Variants in BTRC observed in about 807,000 individuals in gnomAD.
BTRC encodes beta-transducin repeat containing E3 ubiquitin protein ligase.
A neutral mutation model predicts 85.5 loss-of-function variants in BTRC; 42 were observed. That is an observed-to-expected ratio of 0.49 (90% CI 0.38 to 0.64). The LOEUF (loss-of-function observed/expected upper bound fraction) is 0.64, where lower values mean the gene tolerates loss of function less well. BTRC is among the 30% of genes least tolerant of loss of function. BTRC has a pLI of 0.00. For synonymous variants in BTRC, 255 were observed against 263.3 expected, an observed-to-expected ratio of 0.97 and a Z score of 0.30; for missense variants, 594 against 743.5, an observed-to-expected ratio of 0.80 and a Z score of 2.34.
intron 2 of BTRC, among the ~76,000 whole-genome samples, chr10:101,452,193 C>A (rs1248363110): frequency 1.3e-5 from 2 of 152,090 alleles, no homozygotes; most frequent in Admixed American, 1.3e-4. Context: ...TGTAGAAGAC[C>A]AGTGCACTAT....
At chr10:101,383,209 G>A (rs1051438589) in intron 1 of BTRC, among the ~76,000 whole-genome samples, 18 of 151,538 alleles carry the variant, frequency 1.2e-4, no homozygotes, top group African/African-American at 4.1e-4. Context: ...GACTACAGGC[G>A]TGCACCACCA....
At chr10:101,462,164 G>C in intron 3 of BTRC, 106 bp downstream of exon 3, 1 of 876,672 alleles carries the variant, frequency 1.1e-6, no homozygotes, top group South Asian at 1.7e-5. Flanking sequence ...CTTATATTAA[G>C]AGTACTCGGA....
Position 101,431,979 on chromosome 10 carries a change from C to T in BTRC, c.156+1527C>T, listed in dbSNP as rs894824484. ...TTGTCACTAGTGGTATGATCCTGAA[C>T]TTATTTCCTTATCTGTAAATGGATA... On this transcript the variant is annotated intron_variant, in intron 2 of 14. Coordinates refer to ENST00000370187, the MANE Select transcript of BTRC (RefSeq NM_033637.4). 3.3e-5 allele frequency among the ~76,000 whole-genome samples: 5 copies of T among 152,158 alleles called. No individual in the cohort carries two copies. In the East Asian group the frequency reaches 5.8e-4, roughly 18 times the overall value.
intron 13 of BTRC, among the ~76,000 whole-genome samples, chr10:101,544,116 A>G (rs1156692239): frequency 6.6e-6 from 1 of 152,122 alleles, no homozygotes; most frequent in Non-Finnish European, 1.5e-5. Context: ...TCACCATGTT[A>G]GCCAAGATGG....
At chr10:101,429,816 A>C (rs1364223447) in intron 1 of BTRC, among the ~76,000 whole-genome samples, 1 of 150,284 alleles carries the variant, frequency 6.7e-6, no homozygotes, top group Non-Finnish European at 1.5e-5. Context: ...AACTGTGCAG[A>C]GTTTGTTGCT....
chr10:101,399,090 C>T (rs1213745814), intron 1 of BTRC, among the ~76,000 whole-genome samples: 1 of 152,102 alleles, frequency 6.6e-6, no homozygotes, highest in Non-Finnish European at 1.5e-5. Context: ...GTAACTGGGA[C>T]TACAGGCATG....
intron 3 of BTRC, among the ~76,000 whole-genome samples, chr10:101,464,287 A>C (rs1024270930): frequency 6.6e-6 from 1 of 152,190 alleles, no homozygotes; most frequent in East Asian, 1.9e-4. Context: ...TATCTCTCTC[A>C]TACTTCAAAC....
intron 1 of BTRC, among the ~76,000 whole-genome samples, chr10:101,359,425 T>G (rs997479492): frequency 3.9e-5 from 6 of 152,088 alleles, no homozygotes; most frequent in Admixed American, 2.6e-4. Context: ...TTTTGCCTAT[T>G]TTCTTTTTTT....
intron 5 of BTRC, among the ~76,000 whole-genome samples, chr10:101,522,194 C>G (rs1039616822): frequency 2.7e-5 from 4 of 148,038 alleles, no homozygotes; most frequent in Admixed American, 2.0e-4. Flanking sequence ...GCGCCCGCCA[C>G]CACACTGGGC....
intron 1 of BTRC, chr10:101,354,694 A>C: frequency 5.7e-6 from 1 of 175,260 alleles, no homozygotes; most frequent in Non-Finnish European, 1.2e-5. Flanking sequence ...GTAGAGGGGA[A>C]CGGGCAGGGC....
intron 1 of BTRC, among the ~76,000 whole-genome samples, chr10:101,429,095 CTG>C (rs1232738502): frequency 6.6e-6 from 1 of 152,090 alleles, no homozygotes; most frequent in African/African-American, 2.4e-5. Flanking sequence ...ATTTCAAAGT[CTG>C]TAATTTTAAG....
At chr10:101,404,778 C>T (rs570401832) in intron 1 of BTRC, among the ~76,000 whole-genome samples, 1 of 152,142 alleles carries the variant, frequency 6.6e-6, no homozygotes, top group East Asian at 1.9e-4. Flanking sequence ...GTGGGCGGAT[C>T]ACGAGGTCAG....
chr10:101,392,412 A>C (rs1041197948), intron 1 of BTRC, among the ~76,000 whole-genome samples: 1 of 152,236 alleles, frequency 6.6e-6, no homozygotes, highest in Non-Finnish European at 1.5e-5. Context: ...TTAACCATTT[A>C]ACATCAGATT....
At chr10:101,495,586 A>G (rs919252639) in intron 4 of BTRC, among the ~76,000 whole-genome samples, 16 of 152,220 alleles carry the variant, frequency 1.1e-4, no homozygotes, top group Non-Finnish European at 2.4e-4. Flanking sequence ...GTATGTGGCC[A>G]TAGGTTTGCA....
intron 2 of BTRC, among the ~76,000 whole-genome samples, chr10:101,454,378 G>T (rs919060775): frequency 2.0e-5 from 3 of 152,168 alleles, no homozygotes; most frequent in African/African-American, 7.2e-5. Context: ...GTAGTTTTAT[G>T]GTTTCTTGGA....
chr10:101,470,661 G>GGT (rs1434900819), intron 3 of BTRC, among the ~76,000 whole-genome samples: 2 of 152,030 alleles, frequency 1.3e-5, no homozygotes, highest in African/African-American at 4.8e-5. Context: ...TACTTCCTTT[G>GGT]GTCCTACCTA....
At chr10:101,526,842 A>T (rs538215538) in intron 6 of BTRC, among the ~76,000 whole-genome samples, 1 of 152,358 alleles carries the variant, frequency 6.6e-6, no homozygotes, top group South Asian at 2.1e-4. Flanking sequence ...AATTAAGTAT[A>T]AATCATTGTT....
intron 1 of BTRC, among the ~76,000 whole-genome samples, chr10:101,426,967 C>T (rs1944267733): frequency 6.6e-6 from 1 of 152,060 alleles, no homozygotes; most frequent in Non-Finnish European, 1.5e-5. Flanking sequence ...TGTTTTCATG[C>T]TCTATTTATT....
At chr10:101,362,954 T>A (rs1164106402) in intron 1 of BTRC, among the ~76,000 whole-genome samples, 1 of 152,168 alleles carries the variant, frequency 6.6e-6, no homozygotes. Flanking sequence ...TATGGGAGGA[T>A]GTGTGTAGGT....
Sources: gnomAD v4.1 joint callset for allele counts (sites outside exome capture counted in the v4.1 genomes callset) on GRCh38, gnomAD v4.1.1 for gene constraint, MANE v1.5 for transcripts, NCBI Gene and HGNC (gene_info 2026-07-23, HGNC 2026-07-21) for gene names.